Variants in MSRA observed in about 807,000 individuals in gnomAD.
MSRA encodes the protein mitochondrial peptide methionine sulfoxide reductase.
In MSRA, 54 loss-of-function variants were observed where a neutral mutation model predicts 31.3. The observed-to-expected ratio is 1.73, with a 90% CI of 1.39 to 2.17. MSRA has a LOEUF of 2.17. MSRA is among the 30% of genes most tolerant of loss of function. The probability of loss-of-function intolerance (pLI) is 0.00; values close to 1 mark genes in which losing one functional copy is unlikely to be tolerated. For missense variants in MSRA, 507 were observed against 300.9 expected (o/e 1.69, Z -5.07); for synonymous variants, 169 against 116.5 (o/e 1.45, Z -2.90).
intron 1 of MSRA, among the ~76,000 whole-genome samples, chr8:10,137,698 T>G (rs1240851572): frequency 6.6e-6 from 1 of 152,058 alleles, no homozygotes; most frequent in African/African-American, 2.4e-5. Context: ...GTGCACAAAG[T>G]GGGCAGTGGG....
chr8:10,411,756 C>T (rs932628930), intron 5 of MSRA, among the ~76,000 whole-genome samples: 1 of 152,170 alleles, frequency 6.6e-6, no homozygotes, highest in Non-Finnish European at 1.5e-5. Context: ...TTAAACATGG[C>T]GTAAGAGGAT....
chr8:10,190,179 T>C (rs757446769), intron 1 of MSRA, among the ~76,000 whole-genome samples: 1 of 152,064 alleles, frequency 6.6e-6, no homozygotes, highest in Non-Finnish European at 1.5e-5. Context: ...CTGGAGGAAG[T>C]CTCTCTTGCC....
intron 1 of MSRA, among the ~76,000 whole-genome samples, chr8:10,148,544 G>A (rs1330613933): frequency 6.6e-6 from 1 of 151,794 alleles, no homozygotes; most frequent in Non-Finnish European, 1.5e-5. Context: ...CCGCTTGGGA[G>A]TCTGAGGCAG....
chr8:10,355,312 A>G (rs530027352), intron 5 of MSRA, among the ~76,000 whole-genome samples: 152 of 152,328 alleles, frequency 1.0e-3, no homozygotes, highest in African/African-American at 3.4e-3. Flanking sequence ...GGAGAAAGTC[A>G]TTGTCAGAGA....
Position 10,392,922 on chromosome 8 carries a change from A to C in MSRA, c.544-35226A>C, listed in dbSNP as rs917935025. Among the ~76,000 whole-genome samples, 4 of 145,728 alleles carry C rather than the reference A, an allele frequency of 2.7e-5. No homozygotes were observed. In the South Asian group the frequency reaches 6.7e-4, roughly 24 times the overall value. ...AAAAAAAAAAAAAAAATTAGCCGGC[A>C]GTAATGGCGGGCGCCTATAGTCCCA... On this transcript the variant is annotated intron_variant, in intron 5 of 5. Coordinates refer to ENST00000317173, the MANE Select transcript of MSRA (RefSeq NM_012331.5).
intron 5 of MSRA, among the ~76,000 whole-genome samples, chr8:10,363,354 C>G (rs1196226545): frequency 3.3e-5 from 5 of 152,164 alleles, no homozygotes; most frequent in Non-Finnish European, 7.3e-5. Context: ...CCTTCCGTGA[C>G]TCACAGGGCC....
At chr8:10,317,212 G>A (rs1244718778) in intron 4 of MSRA, among the ~76,000 whole-genome samples, 1 of 152,172 alleles carries the variant, frequency 6.6e-6, no homozygotes, top group Non-Finnish European at 1.5e-5. Flanking sequence ...TTCACTGTCA[G>A]CCGGTAACTC....
chr8:10,327,454 G>T (rs1416004547), intron 5 of MSRA, among the ~76,000 whole-genome samples: 2 of 152,126 alleles, frequency 1.3e-5, no homozygotes, highest in Admixed American at 6.5e-5. Context: ...GTACAAATGG[G>T]TTCCAGCTAG....
chr8:10,110,131 C>T (rs1228963251), intron 1 of MSRA, among the ~76,000 whole-genome samples: 2 of 152,190 alleles, frequency 1.3e-5, no homozygotes, highest in Non-Finnish European at 2.9e-5. Context: ...CTGACACAGA[C>T]TTCCACAAGG....
chr8:10,104,522 AT>A (rs1430633171), intron 1 of MSRA, among the ~76,000 whole-genome samples: 1 of 152,168 alleles, frequency 6.6e-6, no homozygotes, highest in Non-Finnish European at 1.5e-5. Flanking sequence ...ATAGGTAGAT[AT>A]AAAAATTTTG....
chr8:10,332,231 G>GT (rs1802744069), intron 5 of MSRA, among the ~76,000 whole-genome samples: 1 of 152,122 alleles, frequency 6.6e-6, no homozygotes, highest in Non-Finnish European at 1.5e-5. Context: ...AAAGACTGTT[G>GT]TTTTCACCAA....
intron 1 of MSRA, among the ~76,000 whole-genome samples, chr8:10,191,324 A>G (rs560992456): frequency 3.6e-4 from 55 of 152,298 alleles, no homozygotes; most frequent in South Asian, 2.7e-3. Flanking sequence ...CCACCGAAAT[A>G]CAGAATATTC....
intron 2 of MSRA, among the ~76,000 whole-genome samples, chr8:10,213,797 A>T (rs1809737089): frequency 1.3e-5 from 2 of 152,144 alleles, no homozygotes; most frequent in Admixed American, 1.3e-4. Flanking sequence ...CTGGGAGTGC[A>T]GAGGTCTCTT....
At chr8:10,114,003 C>G (rs926489943) in intron 1 of MSRA, among the ~76,000 whole-genome samples, 5 of 152,150 alleles carry the variant, frequency 3.3e-5, no homozygotes, top group Admixed American at 6.6e-5. Context: ...TACTAGTTCA[C>G]TTTTTGTCTA....
At chr8:10,397,341 G>A (rs1348716543) in intron 5 of MSRA, among the ~76,000 whole-genome samples, 1 of 152,228 alleles carries the variant, frequency 6.6e-6, no homozygotes, top group South Asian at 2.1e-4. Context: ...CTCAGGAAAT[G>A]TTGCTTGGGT....
intron 3 of MSRA, among the ~76,000 whole-genome samples, chr8:10,296,946 C>T (rs141721590): frequency 7.2e-4 from 110 of 152,328 alleles, no homozygotes; most frequent in African/African-American, 2.6e-3. Context: ...GGGCCAGTTC[C>T]CTGCTCTCTT....
chr8:10,384,837 T>C (rs931241685), intron 5 of MSRA, among the ~76,000 whole-genome samples: 4 of 151,912 alleles, frequency 2.6e-5, no homozygotes, highest in Non-Finnish European at 5.9e-5. Context: ...GCAAAACTCT[T>C]TGTCTCCAAA....
At chr8:10,190,132 T>G (rs548534466) in intron 1 of MSRA, among the ~76,000 whole-genome samples, 36 of 152,158 alleles carry the variant, frequency 2.4e-4, no homozygotes, top group Non-Finnish European at 3.8e-4. Context: ...CATTAAGCAT[T>G]GTCAGTAGAG....
chr8:10,224,601 T>C (rs573841771), intron 2 of MSRA, among the ~76,000 whole-genome samples: 12 of 152,284 alleles, frequency 7.9e-5, no homozygotes, highest in African/African-American at 2.9e-4. Context: ...GTGGTAGTCT[T>C]GTGTATGGAG....
Sources: allele counts gnomAD v4.1 joint callset (sites outside exome capture counted in the v4.1 genomes callset), GRCh38; gene constraint gnomAD v4.1.1; transcripts MANE v1.5; gene names NCBI Gene and HGNC (gene_info 2026-07-23, HGNC 2026-07-21).